Variants in PXDNL observed in about 807,000 individuals in gnomAD.
PXDNL encodes the protein peroxidasin like.
Under a neutral mutation model 150.8 loss-of-function variants are expected in PXDNL, and 145 were observed. The ratio of observed to expected loss-of-function variants is 0.96; its 90% confidence interval spans 0.84 to 1.10. The LOEUF (loss-of-function observed/expected upper bound fraction) is 1.10, where lower values mean the gene tolerates loss of function less well. PXDNL is among the 50% of genes least tolerant of loss of function. The pLI is 0.00. For synonymous variants in PXDNL, 757 were observed against 725.7 expected (o/e 1.04, Z -0.69); for missense variants, 2,087 against 1,873.9 (o/e 1.11, Z -2.10).
intron 1 of PXDNL, among the ~76,000 whole-genome samples, chr8:51,697,714 C>G (rs1222554304): frequency 6.6e-6 from 1 of 152,182 alleles, no homozygotes; most frequent in Admixed American, 6.5e-5. Context: ...GTCTGTAAGT[C>G]TTAATAAACT....
intron 2 of PXDNL, among the ~76,000 whole-genome samples, chr8:51,617,880 T>G (rs1814162526): frequency 6.6e-6 from 1 of 152,238 alleles, no homozygotes; most frequent in Non-Finnish European, 1.5e-5. Flanking sequence ...TTCTTTTTCC[T>G]TCTGCCTGTA....
chr8:51,415,760 T>C (rs891249753), intron 14 of PXDNL, among the ~76,000 whole-genome samples: 11 of 152,110 alleles, frequency 7.2e-5, no homozygotes, highest in African/African-American at 2.7e-4. Flanking sequence ...CATAAAATGA[T>C]CGAATTAAAA....
chr8:51,391,794 T>C (rs1430939048), intron 17 of PXDNL, among the ~76,000 whole-genome samples: 1 of 152,182 alleles, frequency 6.6e-6, no homozygotes, highest in African/African-American at 2.4e-5. Context: ...TTTGGTGTTT[T>C]AGACATGAAG....
chr8:51,352,719 G>C (rs1310255743), intron 19 of PXDNL, among the ~76,000 whole-genome samples: 1 of 152,124 alleles, frequency 6.6e-6, no homozygotes, highest in Non-Finnish European at 1.5e-5. Flanking sequence ...ATCTCAGGTA[G>C]TACCTCTATA....
At chr8:51,575,285 A>T (rs992129955) in intron 3 of PXDNL, among the ~76,000 whole-genome samples, 1 of 152,066 alleles carries the variant, frequency 6.6e-6, no homozygotes, top group African/African-American at 2.4e-5. Flanking sequence ...ATCAAAGTAA[A>T]ATTCTAAAAA....
chr8:51,383,539 A>G (rs1807610198), intron 17 of PXDNL, among the ~76,000 whole-genome samples: 1 of 152,196 alleles, frequency 6.6e-6, no homozygotes, highest in Non-Finnish European at 1.5e-5. Context: ...AGACAACATG[A>G]GAGAGTACCG....
chr8:51,397,780 G>T (rs999239451), intron 17 of PXDNL, among the ~76,000 whole-genome samples: 1 of 151,828 alleles, frequency 6.6e-6, no homozygotes, highest in Non-Finnish European at 1.5e-5. Context: ...TATACTTTAA[G>T]TTCTAGGGTA....
intron 17 of PXDNL, among the ~76,000 whole-genome samples, chr8:51,378,391 A>G (rs3097700): frequency 0.81 from 123,218 of 152,094 alleles, 50,150 homozygotes; most frequent in East Asian, 0.95. Flanking sequence ...TAATCTAGTG[A>G]GGACTTGGAG....
At chr8:51,548,094 C>CAAA (rs35793477) in intron 4 of PXDNL, among the ~76,000 whole-genome samples, 3 of 101,168 alleles carry the variant, frequency 3.0e-5, no homozygotes, top group African/African-American at 9.9e-5. Context: ...CTTCAGAATT[C>CAAA]AAAAAAAAAA....
At chr8:51,350,787 G>A (rs894955193) in intron 19 of PXDNL, among the ~76,000 whole-genome samples, 8 of 152,132 alleles carry the variant, frequency 5.3e-5, no homozygotes, top group African/African-American at 1.9e-4. Flanking sequence ...ATCTATGCTT[G>A]CAGCCTGACC....
intron 3 of PXDNL, among the ~76,000 whole-genome samples, chr8:51,577,758 C>A (rs921866085): frequency 2.0e-5 from 3 of 150,286 alleles, no homozygotes. Flanking sequence ...GACAAAAAAC[C>A]TACAGGTAAT....
At chr8:51,381,626 A>C (rs1190477759) in intron 17 of PXDNL, among the ~76,000 whole-genome samples, 1 of 2,504 alleles carries the variant, frequency 4.0e-4, no homozygotes, top group African/African-American at 4.2e-4. Flanking sequence ...TGGTGTCTTT[A>C]TTTATTTATT....
At position 51,408,771 on chromosome 8, in the gene PXDNL, G is replaced by A. The variant is rs1193456376; in HGVS notation, c.2853C>T (p.Ser951=). The change falls in exon 17 of 23, where the codon AGC becomes AGT. Residue 951 remains serine, a synonymous_variant. Transcript: ENST00000356297. ...PTECARQEQE[S]PCFLAGDHRA... Reference sequence around the variant, plus strand: ...GGTGGTCCCCGGCCAGGAAACAGGGGCTCTCCTGCTCCTGTCGCGCGCACT... The same window carrying A: ...GGTGGTCCCCGGCCAGGAAACAGGGACTCTCCTGCTCCTGTCGCGCGCACT... 4 of 1,579,120 alleles carry A rather than the reference G, an allele frequency of 2.5e-6. No individual in the cohort carries two copies. Among genetic ancestry groups the A allele is most frequent in the African/African-American group, 2.7e-5 (2 of 73,964 alleles).
At chr8:51,771,296 A>T (rs187025696) in intron 1 of PXDNL, among the ~76,000 whole-genome samples, 2 of 152,344 alleles carry the variant, frequency 1.3e-5, no homozygotes, top group Non-Finnish European at 2.9e-5. Context: ...CAGCAAACAA[A>T]GATTACACTT....
At chr8:51,440,053 G>GTA (rs1212544853) in intron 12 of PXDNL, among the ~76,000 whole-genome samples, 36 of 149,126 alleles carry the variant, frequency 2.4e-4, no homozygotes, top group African/African-American at 3.8e-4. Context: ...ATATATATAT[G>GTA]TATATATACA....
At chr8:51,441,678 T>C (rs868340545) in intron 12 of PXDNL, among the ~76,000 whole-genome samples, 12 of 152,230 alleles carry the variant, frequency 7.9e-5, no homozygotes, top group African/African-American at 2.4e-4. Flanking sequence ...ATCACTGTGA[T>C]GATTACAGCT....
At chr8:51,741,032 A>T (rs1264739077) in intron 1 of PXDNL, among the ~76,000 whole-genome samples, 2 of 152,200 alleles carry the variant, frequency 1.3e-5, no homozygotes, top group Non-Finnish European at 2.9e-5. Flanking sequence ...TTCAGAAGGA[A>T]TGGTACCAGC....
intron 12 of PXDNL, among the ~76,000 whole-genome samples, chr8:51,428,614 G>A (rs1404873578): frequency 1.3e-5 from 2 of 152,128 alleles, no homozygotes; most frequent in African/African-American, 4.8e-5. Flanking sequence ...CAGTTCACTG[G>A]AAGCCTTTCA....
chr8:51,393,624 C>T (rs1807976899), intron 17 of PXDNL, among the ~76,000 whole-genome samples: 2 of 152,260 alleles, frequency 1.3e-5, no homozygotes, highest in African/African-American at 4.8e-5. Context: ...GTGAATATGT[C>T]ACCTTACGTG....
Sources: gnomAD v4.1 joint callset for allele counts (sites outside exome capture counted in the v4.1 genomes callset) on GRCh38, gnomAD v4.1.1 for gene constraint, MANE v1.5 for transcripts, NCBI Gene and HGNC (gene_info 2026-07-23, HGNC 2026-07-21) for gene names.